MYH6: variants seen among roughly 807,000 people sequenced by gnomAD.
The protein encoded by MYH6 is myosin heavy chain 6, also known as myosin-6.
In MYH6, 126 loss-of-function variants were observed where a neutral mutation model predicts 223.2. That is an observed-to-expected ratio of 0.56 (90% CI 0.49 to 0.65). MYH6 has a LOEUF of 0.65. MYH6 is among the 30% of genes least tolerant of loss of function. MYH6 has a pLI of 0.00. For missense variants in MYH6, 2,040 were observed against 2,536.4 expected (o/e 0.80, Z 4.20); for synonymous variants, 978 against 1,010.2 (o/e 0.97, Z 0.61).
At chr14:23,386,236 G>C in intron 33 of MYH6, 79 bp downstream of exon 33, 1 of 1,613,104 alleles carries the variant, frequency 6.2e-7, no homozygotes, top group Non-Finnish European at 8.5e-7. Flanking sequence ...GAGGAATCTG[G>C]TGCCTGTATC....
Position 23,403,425 on chromosome 14 carries a change from AC to A in MYH6, c.820del (p.Val274Ter), listed in dbSNP as rs2138616823. ...IETYLLEKSR[V>X]IFQLKAERNY... is the part of the protein sequence containing the mutation. The stretch of plus-strand genomic sequence containing the variant: ...TCTCTCAGCTTTCAGCTGGAAGATC[AC>A]CCGGGACTTCTCCAGCAGGTCTGAG... On this transcript the variant is annotated frameshift_variant, in exon 10 of 39. Coordinates refer to ENST00000405093, the MANE Select transcript of MYH6 (RefSeq NM_002471.4). LOFTEE classifies it high-confidence loss of function. 2 of 1,613,972 alleles carry A rather than the reference AC, an allele frequency of 1.2e-6. No homozygotes were observed. The highest frequency in any genetic ancestry group is 1.7e-6 in the Non-Finnish European group (2 of 1,179,970).
intron 23 of MYH6, 139 bp from the exon 24 acceptor site, chr14:23,393,196 A>C (rs1482753284): frequency 5.3e-5 from 77 of 1,466,134 alleles, no homozygotes; most frequent in Non-Finnish European, 7.2e-5. Flanking sequence ...CAAAGGATTC[A>C]GAGACCTACT....
Position 23,398,980 on chromosome 14 carries a change from T to C in MYH6, c.1639A>G (p.Met547Val), listed in dbSNP as rs760722098. ...TCGTACAGCTTGGCCTTGAAGGTCA[T>C]GTCAGTGGCCTTGGGGAACATGCAC... ...EECMFPKATD[M>V]TFKAKLYDNH... The change falls in exon 15 of 39, where the codon ATG (methionine) becomes GTG (valine). Residue 547 changes from methionine to valine, a missense_variant. By Grantham distance (21) the Met-to-Val change is conservative. Coordinates refer to ENST00000405093, the MANE Select transcript of MYH6 (RefSeq NM_002471.4). The C allele has an allele frequency of 1.1e-5, 17 of 1,614,102 alleles. No homozygotes were observed. In the African/African-American group the frequency reaches 1.7e-4, roughly 16 times the overall value.
At chr14:23,399,187 G>A in intron 14 of MYH6, 150 bp from the exon 15 acceptor site, 1 of 972,140 alleles carries the variant, frequency 1.0e-6, no homozygotes, top group Non-Finnish European at 1.6e-6. Flanking sequence ...CCTAAAACAG[G>A]AAGCCAATAT....
rs1891321106 is a variant in MYH6, at chr14:23,394,060, G to A, written c.2685+8C>T. The A allele has an allele frequency of 6.2e-7, 1 of 1,613,948 alleles. No homozygotes were observed. Among genetic ancestry groups the A allele is most frequent in the Admixed American group, 1.7e-5 (1 of 59,998 alleles). ...GAGAGGGCTGAAGAGATAATCACGT[G>A]GCCTCACCGCCTGCACTTGGAGCTG... is the stretch of plus-strand genomic sequence containing the variant. On this transcript the variant is annotated splice_region_variant and intron_variant, in intron 21 of 38. Coordinates refer to ENST00000405093, the MANE Select transcript of MYH6 (RefSeq NM_002471.4).
intron 20 of MYH6, 60 bp from the exon 21 acceptor site, chr14:23,394,383 G>A: frequency 1.9e-6 from 3 of 1,605,674 alleles, no homozygotes; most frequent in Middle Eastern, 1.7e-4. Context: ...CCAATCATGG[G>A]CCCTACTAAG....
In MYH6 at chr14:23,382,575, A is replaced by G; in HGVS notation, c.5662-13T>C. The stretch of plus-strand genomic sequence containing the variant: ...TGGCTTGCTCCTCCTGTGGTGGGAC[A>G]GTGGGGATGGGTGAATGAGCTGGAG... On this transcript the variant is annotated splice_polypyrimidine_tract_variant and intron_variant, in intron 37 of 38. Coordinates refer to ENST00000405093, the MANE Select transcript of MYH6 (RefSeq NM_002471.4). 1.2e-6 allele frequency: 2 copies of G among 1,614,182 alleles called. No homozygotes were observed. Among genetic ancestry groups the G allele is most frequent in the Non-Finnish European group, 8.5e-7 (1 of 1,180,022 alleles).
rs1159283150 is a variant in MYH6, at chr14:23,392,854, CTCTA to C, written c.3251+54_3251+57del. On this transcript the variant is annotated intron_variant, in intron 24 of 38. Transcript: ENST00000405093. ...GCCAGTGGAGGCGCAGCACCCTGCA[CTCTA>C]TCTACCAGGCCAGACACCTCCATTA... 7 of 1,607,630 alleles carry C rather than the reference CTCTA, an allele frequency of 4.4e-6. No homozygotes were observed. In the South Asian group the frequency reaches 5.5e-5, roughly 13 times the overall value.
chr14:23,407,636 C>G lies in MYH6; in HGVS notation c.-46-28G>C. On this transcript the variant is annotated intron_variant, in intron 1 of 38. Transcript: ENST00000405093. This position sits in a 1 kb window ranked among gnomAD's most constrained non-coding sequence, Gnocchi z 5.6. ...GGACCGTGGGTGGAGCAAGGAACAA[C>G]AGAGGTAGAGCCGGGCAGAGAGAAG... 8.9e-7 allele frequency: 1 copy of G among 1,126,392 alleles called. No individual in the cohort carries two copies. Among genetic ancestry groups the G allele is most frequent in the Non-Finnish European group, 1.1e-6 (1 of 912,706 alleles). 69.8% of individuals were successfully genotyped at this position (1,126,392 alleles called of 1,614,324 possible).
intron 34 of MYH6, among the ~76,000 whole-genome samples, 171 bp from the exon 35 acceptor site, chr14:23,385,212 T>G (rs561750570): frequency 8.6e-5 from 13 of 152,014 alleles, no homozygotes; most frequent in African/African-American, 3.1e-4. Flanking sequence ...TGAAAGTGCA[T>G]ACATTCTAGA....
At position 23,389,906 on chromosome 14, in the gene MYH6, G is replaced by A. The variant is rs569720603; in HGVS notation, c.3732+151C>T. ...CATGAAGAGATAGAGAGGGTGAGGA[G>A]AGCCAGAGAGGGGCAGGGGAGACAG... On this transcript the variant is annotated intron_variant, in intron 26 of 38. Coordinates refer to ENST00000405093, the MANE Select transcript of MYH6 (RefSeq NM_002471.4). The A allele has an allele frequency of 3.4e-4, 519 of 1,529,730 alleles. 2 individuals carry two copies. In the African/African-American group the frequency reaches 6.3e-3, roughly 18 times the overall value. 94.8% of individuals were successfully genotyped at this position (1,529,730 alleles called of 1,614,324 possible). A position where few individuals can be genotyped will look rare whatever the true frequency, so the allele number is the denominator to read the frequency against.
Position 23,407,316 on chromosome 14 carries a change from C to A in MYH6, c.-13-80G>T. Reference sequence around the variant, plus strand: ...AGTGGCTTTGTCCTCTGCAGCCCCCCTCCCTACCCCCGCTCCTCTCCTCCA... The same window carrying A: ...AGTGGCTTTGTCCTCTGCAGCCCCCATCCCTACCCCCGCTCCTCTCCTCCA... On this transcript the variant is annotated intron_variant, in intron 2 of 38. Coordinates refer to ENST00000405093, the MANE Select transcript of MYH6 (RefSeq NM_002471.4). The surrounding 1 kb of genome is among the most constrained non-coding windows in gnomAD (Gnocchi z 5.6). 1 of 1,513,030 alleles carries A rather than the reference C, an allele frequency of 6.6e-7. No individual in the cohort carries two copies. The allele number at this position is 1,513,030 out of a possible 1,614,324, so 93.7% of individuals were successfully genotyped here.
At chr14:23,388,451 G>T in intron 29 of MYH6, 113 bp from the exon 30 acceptor site, 1 of 1,516,424 alleles carries the variant, frequency 6.6e-7, no homozygotes, top group Non-Finnish European at 9.1e-7. Context: ...CGTAAGTCCA[G>T]CCTAGCAGGA....
chr14:23,389,686 C>T lies in MYH6; in HGVS notation c.3766G>A (p.Asp1256Asn), dbSNP rs776789045. Residue 1256 changes from aspartate (D) to asparagine (N), a missense_variant, in exon 27 of 39, where the codon GAC (aspartate) becomes AAC (asparagine). Asp to Asn is a conservative substitution (Grantham distance 23). Around this residue, in one of 4 missense-constraint regions of MYH6, gnomAD observed 1,203 missense variants for 1,400.2 expected, o/e 0.86. Transcript: ENST00000405093. ...NLEKVSRTLE[D>N]QANEYRVKLE... is the part of the protein sequence containing the mutation. ...TTCACGCGGTACTCATTGGCCTGGT[C>T]CTCCAGCGTCCGAGACACTTTCTCC... 3 of 1,614,138 alleles carry T rather than the reference C, an allele frequency of 1.9e-6. No homozygotes were observed. In the Admixed American group the frequency reaches 5.0e-5, roughly 27 times the overall value.
rs991134342 is a variant in MYH6 at position 23,405,510 on chromosome 14, G to A, written c.345+117C>T. 1 of 1,595,912 alleles carries A rather than the reference G, an allele frequency of 6.3e-7. No homozygotes were observed. The highest frequency in any genetic ancestry group is 8.6e-7 in the Non-Finnish European group (1 of 1,167,766). On this transcript the variant is annotated intron_variant, in intron 4 of 38. Coordinates refer to ENST00000405093, the MANE Select transcript of MYH6 (RefSeq NM_002471.4). This position sits in a 1 kb window ranked among gnomAD's most constrained non-coding sequence, Gnocchi z 4.7. Reference sequence around the variant, plus strand: ...CCTGCAGCTGACTAGGGGTGGAGGGGGGAAGGGGACTTGGGTCCCTTGGGA... The same window carrying A: ...CCTGCAGCTGACTAGGGGTGGAGGGAGGAAGGGGACTTGGGTCCCTTGGGA...
At chr14:23,388,802 A>G in intron 29 of MYH6, 57 bp downstream of exon 29, 2 of 1,613,218 alleles carry the variant, frequency 1.2e-6, no homozygotes, top group Admixed American at 1.7e-5. Flanking sequence ...TCCCCACCCC[A>G]GGTCCTCTCG....
At position 23,383,332 on chromosome 14, in the gene MYH6, AGG is replaced by A; in HGVS notation, c.5566-14_5566-13del. The A allele has an allele frequency of 1.8e-5, 1 of 55,098 alleles. No individual in the cohort carries two copies. Among genetic ancestry groups the A allele is most frequent in the Non-Finnish European group, 3.4e-5 (1 of 29,756 alleles). The allele number at this position is 55,098 out of a possible 1,614,324, so 3.4% of individuals were successfully genotyped here. On this transcript the variant is annotated splice_polypyrimidine_tract_variant and intron_variant, in intron 36 of 38. Coordinates refer to ENST00000405093, the MANE Select transcript of MYH6 (RefSeq NM_002471.4). Reference sequence around the variant, plus strand: ...TTGTCTTCCTCTGTCTGGGGGTGGGAGGGTGGGAGAAGCTGGTTTGGAGGGGG... The same window carrying A: ...TTGTCTTCCTCTGTCTGGGGGTGGGAGTGGGAGAAGCTGGTTTGGAGGGGG...
At chr14:23,383,341 G>GGGCCCCCCCCCC in intron 36 of MYH6, 21 bp from the exon 37 acceptor site, 1 of 556,582 alleles carries the variant, frequency 1.8e-6, no homozygotes, top group Non-Finnish European at 3.3e-6. Context: ...GAGGGTGGGA[G>GGGCCCCCCCCCC]AAGCTGGTTT....
Position 23,402,775 on chromosome 14 carries a change from G to A in MYH6, c.924C>T (p.Pro308=). The A allele has an allele frequency of 1.2e-6, 2 of 1,613,628 alleles. No individual in the cohort carries two copies. Among genetic ancestry groups the A allele is most frequent in the Non-Finnish European group, 1.7e-6 (2 of 1,179,938 alleles). ...LLDMLLVTNN[P]YDYAFVSQGE... ...CCTGAGACACGAAGGCGTAGTCGTA[G>A]GGATTGTTGGTGACCAGCAGCATGT... is the stretch of plus-strand genomic sequence containing the variant. Residue 308 remains proline (P), a synonymous_variant, in exon 11 of 39, where the codon CCC becomes CCT. Coordinates refer to ENST00000405093, the MANE Select transcript of MYH6 (RefSeq NM_002471.4).
Sources: allele counts gnomAD v4.1 joint callset (sites outside exome capture counted in the v4.1 genomes callset), GRCh38; gene constraint gnomAD v4.1.1; regional missense constraint gnomAD v4.1.1; non-coding constraint Gnocchi (gnomAD v3.1); transcripts MANE v1.5; gene names NCBI Gene and HGNC (gene_info 2026-07-23, HGNC 2026-07-21).